Variants in RBM47 observed in about 807,000 individuals in gnomAD.
RBM47 encodes the protein RNA-binding protein 47.
RBM47 carries 21 observed loss-of-function variants against 47.1 expected under a neutral mutation model. That is an observed-to-expected ratio of 0.45 (90% confidence interval 0.32 to 0.64). The LOEUF (loss-of-function observed/expected upper bound fraction) is 0.64. Among genes scored for constraint, RBM47 ranks in the 30% least tolerant of loss-of-function variants. The pLI is 0.05. For missense variants in RBM47, 708 were observed against 870.9 expected (o/e 0.81, Z 2.35); for synonymous variants, 375 against 361.7 (o/e 1.04, Z -0.42).
At chr4:40,511,571 G>A (rs555670146) in intron 2 of RBM47, among the ~76,000 whole-genome samples, 85 of 152,174 alleles carry the variant, frequency 5.6e-4, no homozygotes, top group Non-Finnish European at 8.1e-4. Context: ...GACTAGATCT[G>A]TCAATAAACT....
At chr4:40,571,292 A>G (rs943460485) in intron 1 of RBM47, among the ~76,000 whole-genome samples, 11 of 152,112 alleles carry the variant, frequency 7.2e-5, no homozygotes, top group Non-Finnish European at 1.5e-4. Flanking sequence ...TAGAAAATCC[A>G]GATATATGTT....
At chr4:40,483,442 G>A (rs1426698898) in intron 2 of RBM47, among the ~76,000 whole-genome samples, 1 of 152,186 alleles carries the variant, frequency 6.6e-6, no homozygotes, top group East Asian at 1.9e-4. Context: ...AGATGGGAGC[G>A]TTATAACACC....
At chr4:40,486,090 A>AC (rs1721052719) in intron 2 of RBM47, among the ~76,000 whole-genome samples, 1 of 142,520 alleles carries the variant, frequency 7.0e-6, no homozygotes, top group Non-Finnish European at 1.6e-5. Context: ...AAAAAAAAAA[A>AC]AAAAAAAGAG....
chr4:40,551,877 G>A (rs1729600802), intron 1 of RBM47, among the ~76,000 whole-genome samples: 1 of 151,900 alleles, frequency 6.6e-6, no homozygotes, highest in Non-Finnish European at 1.5e-5. Context: ...TCGAACTCTT[G>A]ACCTCAAGTG....
At chr4:40,449,077 C>G (rs989018163) in intron 3 of RBM47, among the ~76,000 whole-genome samples, 7 of 152,184 alleles carry the variant, frequency 4.6e-5, no homozygotes, top group Non-Finnish European at 1.0e-4. Flanking sequence ...CTCGGGCAGG[C>G]CCCTGGCACC....
At chr4:40,475,314 G>A (rs1719447235) in intron 2 of RBM47, among the ~76,000 whole-genome samples, 1 of 152,034 alleles carries the variant, frequency 6.6e-6, no homozygotes, top group South Asian at 2.1e-4. Flanking sequence ...CACTGACTCT[G>A]AAATGGCTTT....
At chr4:40,626,141 A>C (rs928182611) in intron 1 of RBM47, among the ~76,000 whole-genome samples, 2 of 152,240 alleles carry the variant, frequency 1.3e-5, no homozygotes, top group African/African-American at 4.8e-5. Context: ...ACATAAACTA[A>C]GTTCCTATGA....
At chr4:40,445,588 C>T (rs1225235005) in intron 3 of RBM47, among the ~76,000 whole-genome samples, 1 of 152,176 alleles carries the variant, frequency 6.6e-6, no homozygotes, top group African/African-American at 2.4e-5. Context: ...TAAGTGAACT[C>T]AGTTAACTGA....
At chr4:40,456,672 C>A (rs1412713112) in intron 3 of RBM47, among the ~76,000 whole-genome samples, 3 of 146,788 alleles carry the variant, frequency 2.0e-5, no homozygotes, top group African/African-American at 7.6e-5. Context: ...CTCAAGCAAT[C>A]CTCCTACCTC....
intron 5 of RBM47, 67 bp from the exon 6 acceptor site, chr4:40,432,929 GC>G: frequency 6.5e-7 from 1 of 1,547,020 alleles, no homozygotes; most frequent in South Asian, 1.3e-5. Flanking sequence ...TCCAGCACTT[GC>G]TCTAAGATAT....
chr4:40,511,285 C>T (rs1724894916), intron 2 of RBM47, among the ~76,000 whole-genome samples: 1 of 152,206 alleles, frequency 6.6e-6, no homozygotes, highest in Admixed American at 6.5e-5. Flanking sequence ...GCCTCTTAGG[C>T]ATTATGGCAT....
Position 40,561,003 on chromosome 4 carries a change from C to G in RBM47, c.-239-16497G>C, listed in dbSNP as rs138333281. Among the ~76,000 whole-genome samples the G allele has an allele frequency of 9.0e-3, 1,365 of 151,712 alleles. 34 individuals carry two copies. Among genetic ancestry groups the G allele is most frequent in the African/African-American group, 0.031 (1,301 of 41,400 alleles). The stretch of plus-strand genomic sequence containing the variant: ...AAAAGTTGCTGCTATTCCCTTTTCT[C>G]TCACTATTTCCCACATTCTTAGCAC... On this transcript the variant is annotated intron_variant, in intron 1 of 6. Transcript: ENST00000295971.
intron 2 of RBM47, among the ~76,000 whole-genome samples, chr4:40,503,648 A>G (rs959113335): frequency 1.3e-5 from 2 of 152,188 alleles, no homozygotes; most frequent in Non-Finnish European, 2.9e-5. Context: ...TATTTTTAGA[A>G]ATAATATGTA....
chr4:40,440,964 A>G (rs1291995346), intron 3 of RBM47, among the ~76,000 whole-genome samples: 2 of 152,132 alleles, frequency 1.3e-5, no homozygotes, highest in Admixed American at 1.3e-4. Flanking sequence ...CAGTTCTTTA[A>G]AAATATCTGT....
chr4:40,445,386 C>CTGA (rs2154216856), intron 3 of RBM47, among the ~76,000 whole-genome samples: 1 of 152,122 alleles, frequency 6.6e-6, no homozygotes, highest in Non-Finnish European at 1.5e-5. Flanking sequence ...AAGAAAATAT[C>CTGA]TGATGAAGGT....
intron 1 of RBM47, among the ~76,000 whole-genome samples, chr4:40,569,655 C>A (rs1477840882): frequency 1.3e-5 from 2 of 151,694 alleles, no homozygotes; most frequent in East Asian, 1.9e-4. Context: ...GTGATCCGCC[C>A]GCCTTGGCCT....
intron 4 of RBM47, 153 bp from the exon 5 acceptor site, chr4:40,436,800 C>T (rs1712502017): frequency 1.3e-6 from 1 of 751,912 alleles, no homozygotes; most frequent in African/African-American, 1.7e-5. Context: ...ATGCTTCCAA[C>T]ATTCTATTTC....
At chr4:40,433,252 C>T (rs1481733031) in intron 5 of RBM47, among the ~76,000 whole-genome samples, 4 of 152,138 alleles carry the variant, frequency 2.6e-5, no homozygotes, top group East Asian at 1.9e-4. Context: ...TGAGCCACCG[C>T]GCCCAGCCTA....
chr4:40,581,725 T>TGTGTGTGAGTGC (rs60463614), intron 1 of RBM47, among the ~76,000 whole-genome samples: 69,241 of 150,786 alleles, frequency 0.46, 16,353 homozygotes, highest in African/African-American at 0.49. Context: ...GCCTTCAGGG[T>TGTGTGTGAGTGC]GTGTGTGAAG....
Sources: allele counts gnomAD v4.1 joint callset (sites outside exome capture counted in the v4.1 genomes callset), GRCh38; gene constraint gnomAD v4.1.1; transcripts MANE v1.5; gene names NCBI Gene and HGNC (gene_info 2026-07-23, HGNC 2026-07-21).